Variants in DOP1B observed in about 807,000 individuals in gnomAD.
DOP1B encodes the protein protein DOP1B.
DOP1B carries 174 observed loss-of-function variants against 233.5 expected under a neutral mutation model. The observed-to-expected ratio is 0.75, with a 90% CI of 0.66 to 0.85. DOP1B has a LOEUF of 0.85. DOP1B is among the 40% of genes least tolerant of loss of function. The pLI, the probability that DOP1B is intolerant of heterozygous loss-of-function variation, is 0.00. For synonymous variants in DOP1B, 1,190 were observed against 1,185.6 expected, an observed-to-expected ratio of 1.00 and a Z score of -0.08; for missense variants, 2,652 against 2,846.6, an observed-to-expected ratio of 0.93 and a Z score of 1.56.
In DOP1B at chr21:36,235,863, CG is replaced by C. The variant is rs368106815; in HGVS notation, c.2623-1389del. On this transcript the variant is annotated intron_variant, in intron 15 of 36. Transcript: ENST00000691173. ...TTTGCCATAGTGACAGCAAGGAAGTCGGGGGGGGGGCGGTCTACGTAGTCAA... is the reference window on the plus strand; with the variant it reads ...TTTGCCATAGTGACAGCAAGGAAGTCGGGGGGGGGCGGTCTACGTAGTCAA... Among the ~76,000 whole-genome samples, 238 of 112,918 alleles carry C rather than the reference CG, an allele frequency of 2.1e-3. 3 individuals carry two copies. Among genetic ancestry groups the C allele is most frequent in the Middle Eastern group, 0.014 (3 of 212 alleles). The allele number at this position is 112,918 out of a possible 152,430, so 74.1% of individuals were successfully genotyped here. A position where few individuals can be genotyped will look rare whatever the true frequency, so the allele number is the denominator to read the frequency against.
intron 18 of DOP1B, among the ~76,000 whole-genome samples, chr21:36,241,167 G>A (rs2066887658): frequency 6.6e-6 from 1 of 151,790 alleles, no homozygotes; most frequent in African/African-American, 2.4e-5. Context: ...GGTGGCAGGG[G>A]CCTGTAATCC....
rs537767197 is a variant in DOP1B, at chr21:36,180,806, A to G, written c.138+15935A>G. On this transcript the variant is annotated intron_variant, in intron 2 of 36. Transcript: ENST00000691173. Reference sequence around the variant, plus strand: ...TGAGGCATGAGAATCGCTTGAACCCATGAGGCGGAGGTTGCAATGAGCCGA... The same window carrying G: ...TGAGGCATGAGAATCGCTTGAACCCGTGAGGCGGAGGTTGCAATGAGCCGA... Among the ~76,000 whole-genome samples, 4 of 151,932 alleles carry G rather than the reference A, an allele frequency of 2.6e-5. No homozygotes were observed. The South Asian group carries it at 6.2e-4, about 24-fold the overall frequency.
chr21:36,250,089 G>A (rs771948646), intron 21 of DOP1B, among the ~76,000 whole-genome samples: 132 of 152,134 alleles, frequency 8.7e-4, no homozygotes, highest in Non-Finnish European at 1.5e-3. Flanking sequence ...GAGTAATTAC[G>A]ATAAAGGCCG....
In DOP1B at chr21:36,157,140, C is replaced by A. The variant is rs1373136982; in HGVS notation, c.-27+197C>A. 4.6e-5 allele frequency among the ~76,000 whole-genome samples: 7 copies of A among 152,078 alleles called. No individual in the cohort carries two copies. In the East Asian group the frequency reaches 1.4e-3, roughly 30 times the overall value. On this transcript the variant is annotated intron_variant, in intron 1 of 36. Coordinates refer to ENST00000691173, the MANE Select transcript of DOP1B (RefSeq NM_001320714.2). ...GCCTGCGGCGCGCTCTGCTGCAGTG[C>A]GGGGGCGGAGAGCTCGGGGCCGGAG... is the stretch of plus-strand genomic sequence containing the variant.
intron 10 of DOP1B, among the ~76,000 whole-genome samples, chr21:36,220,536 G>A (rs1049434193): frequency 6.6e-6 from 1 of 151,916 alleles, no homozygotes; most frequent in South Asian, 2.1e-4. Context: ...TTTGAGACAG[G>A]GTCACCCAGG....
At chr21:36,176,434 C>T (rs2066031817) in intron 2 of DOP1B, among the ~76,000 whole-genome samples, 1 of 152,048 alleles carries the variant, frequency 6.6e-6, no homozygotes, top group Non-Finnish European at 1.5e-5. Context: ...CTGCAGGGTG[C>T]CTGGTTTCAT....
chr21:36,284,261 C>CTTTG (rs2067455013), intron 32 of DOP1B, among the ~76,000 whole-genome samples: 1 of 95,276 alleles, frequency 1.0e-5, no homozygotes, highest in Non-Finnish European at 2.1e-5. Context: ...CCTGTTCCTT[C>CTTTG]TTTCTTTTTT....
chr21:36,241,028 C>T (rs543566697), intron 18 of DOP1B, among the ~76,000 whole-genome samples: 2 of 152,274 alleles, frequency 1.3e-5, no homozygotes, highest in East Asian at 3.9e-4. Context: ...TGGACGGTGG[C>T]TCACCCCTGT....
Position 36,278,049 on chromosome 21 carries a change from G to A in DOP1B, c.5787G>A (p.Leu1929=), listed in dbSNP as rs1457176025. 2 of 1,614,200 alleles carry A rather than the reference G, an allele frequency of 1.2e-6. No homozygotes were observed. Among genetic ancestry groups the A allele is most frequent in the South Asian group, 2.2e-5 (2 of 91,090 alleles). The change falls in exon 29 of 37, where the codon CTG becomes CTA. Residue 1929 remains leucine, a synonymous_variant. Transcript: ENST00000691173. The part of the protein sequence containing the change: ...KEKAVPLISR[L]LYYVFPYLRN... Reference sequence around the variant, plus strand: ...AAGCTGTGCCGTTAATCTCCCGTCTGCTTTACTATGTTTTTCCATACTTAC... The same window carrying A: ...AAGCTGTGCCGTTAATCTCCCGTCTACTTTACTATGTTTTTCCATACTTAC...
chr21:36,245,803 C>T lies in DOP1B; in HGVS notation c.3823C>T (p.Leu1275Phe). The change falls in exon 19 of 37, where the codon CTC becomes TTC. Residue 1275 changes from leucine (L) to phenylalanine (F), a missense_variant. Physicochemically the swap from Leu to Phe is conservative, Grantham distance 22 (BLOSUM62 0). This residue lies in a region of DOP1B where 2,617 missense variants were observed against 2,794.3 expected (regional missense o/e 0.94). Coordinates refer to ENST00000691173, the MANE Select transcript of DOP1B (RefSeq NM_001320714.2). The surrounding 1 kb of genome is among the most constrained non-coding windows in gnomAD (Gnocchi z 5.5). Reference protein sequence around the residue: ...TSMDTSSTAHLNLISNLLARH... With the variant: ...TSMDTSSTAHFNLISNLLARH... Reference sequence around the variant, plus strand: ...CATGGATACCAGCTCCACCGCGCACCTCAACCTCATCTCCAACCTCCTCGC... The same window carrying T: ...CATGGATACCAGCTCCACCGCGCACTTCAACCTCATCTCCAACCTCCTCGC... 6.2e-7 allele frequency: 1 copy of T among 1,613,974 alleles called. No homozygotes were observed. Among genetic ancestry groups the T allele is most frequent in the Non-Finnish European group, 8.5e-7 (1 of 1,180,022 alleles).
intron 11 of DOP1B, 23 bp from the exon 12 acceptor site, chr21:36,225,542 T>G (rs571113551): frequency 1.9e-6 from 3 of 1,613,236 alleles, no homozygotes; most frequent in East Asian, 4.5e-5. Flanking sequence ...AAGAATGGAT[T>G]TTTTCTTTGC....
intron 1 of DOP1B, among the ~76,000 whole-genome samples, chr21:36,163,839 C>T (rs192389616): frequency 1.1e-4 from 17 of 152,316 alleles, no homozygotes; most frequent in Non-Finnish European, 2.5e-4. Context: ...GGGGCTCTGT[C>T]GTTCCACTCA....
At chr21:36,258,389 G>A (rs2067131787) in intron 23 of DOP1B, among the ~76,000 whole-genome samples, 1 of 151,964 alleles carries the variant, frequency 6.6e-6, no homozygotes, top group East Asian at 1.9e-4. Flanking sequence ...TACAGAGCAA[G>A]ACCCTGTCTG....
intron 3 of DOP1B, among the ~76,000 whole-genome samples, 185 bp downstream of exon 3, chr21:36,199,436 T>G (rs565578789): frequency 7.4e-6 from 1 of 135,170 alleles, no homozygotes; most frequent in East Asian, 1.9e-4. Flanking sequence ...TAACTTTGCT[T>G]TCTTTCTTTT....
chr21:36,196,085 A>C (rs574640782), intron 2 of DOP1B, among the ~76,000 whole-genome samples: 326 of 152,372 alleles, frequency 2.1e-3, no homozygotes, highest in African/African-American at 7.3e-3. Context: ...AGACTGAGGG[A>C]ACCTCTTAGG....
At chr21:36,205,213 C>T (rs143400248) in intron 4 of DOP1B, among the ~76,000 whole-genome samples, 152 of 152,294 alleles carry the variant, frequency 1.0e-3, no homozygotes, top group Middle Eastern at 3.4e-3. Context: ...TTGCGGTGCC[C>T]GGCCCATGCC....
At chr21:36,261,902 C>T (rs1646874484) in intron 24 of DOP1B, 1 of 922,562 alleles carries the variant, frequency 1.1e-6, no homozygotes, top group Non-Finnish European at 1.3e-6. Context: ...CAGAATGAGA[C>T]TCTATCTCAA....
chr21:36,208,909 G>T lies in DOP1B; in HGVS notation c.681+5G>T. The T allele has an allele frequency of 6.6e-7, 1 of 1,515,698 alleles. No homozygotes were observed. The highest frequency in any genetic ancestry group is 8.8e-7 in the Non-Finnish European group (1 of 1,131,760). 93.9% of individuals were successfully genotyped at this position (1,515,698 alleles called of 1,614,324 possible). On this transcript the variant is annotated splice_donor_5th_base_variant and intron_variant, in intron 5 of 36. Transcript: ENST00000691173. ...GGGACCAATCACCAACTCACGGTGG[G>T]TGCTGTGTTCCTCACAGGGCATGGG...
intron 21 of DOP1B, among the ~76,000 whole-genome samples, chr21:36,249,871 A>G (rs1360011848): frequency 6.6e-6 from 1 of 152,180 alleles, no homozygotes; most frequent in Non-Finnish European, 1.5e-5. Context: ...GTCGGTTCCT[A>G]GGGTGCCAAG....
Sources: gnomAD v4.1 joint callset for allele counts (sites outside exome capture counted in the v4.1 genomes callset) on GRCh38, gnomAD v4.1.1 for gene constraint, gnomAD v4.1.1 regional missense constraint, Gnocchi (gnomAD v3.1) non-coding constraint, MANE v1.5 for transcripts, NCBI Gene and HGNC (gene_info 2026-07-23, HGNC 2026-07-21) for gene names.